Variants in NUFIP1 observed in about 807,000 individuals in gnomAD.
The protein encoded by NUFIP1 is FMR1-interacting protein NUFIP1.
A neutral mutation model predicts 56.2 loss-of-function variants in NUFIP1; 38 were observed. The ratio of observed to expected loss-of-function variants is 0.68; its 90% CI spans 0.52 to 0.89. NUFIP1 has a LOEUF of 0.89. NUFIP1 is among the 40% of genes least tolerant of loss of function. The probability of loss-of-function intolerance (pLI) is 0.00; values close to 1 mark genes in which losing one functional copy is unlikely to be tolerated. For synonymous variants in NUFIP1, 215 were observed against 212.4 expected (o/e 1.01, Z -0.10); for missense variants, 567 against 605.8 (o/e 0.94, Z 0.67).
At chr13:44,963,972 T>C (rs1032247371) in intron 6 of NUFIP1, among the ~76,000 whole-genome samples, 3 of 152,198 alleles carry the variant, frequency 2.0e-5, no homozygotes, top group African/African-American at 4.8e-5. Context: ...ACATTAATAT[T>C]GTTATACCAG....
chr13:44,976,967 GACCCATC>G (rs1394791567), intron 5 of NUFIP1, among the ~76,000 whole-genome samples: 1 of 152,102 alleles, frequency 6.6e-6, no homozygotes, highest in Non-Finnish European at 1.5e-5. Context: ...CTGCCTTCAT[GACCCATC>G]ACCTCCCAAA....
chr13:44,970,035 T>C (rs562594666), intron 5 of NUFIP1, among the ~76,000 whole-genome samples: 6 of 152,286 alleles, frequency 3.9e-5, no homozygotes, highest in Admixed American at 3.3e-4. Flanking sequence ...ACAGTAAGCG[T>C]TGAAATAAAT....
intron 8 of NUFIP1, among the ~76,000 whole-genome samples, chr13:44,947,234 CTTTTTTTTTTTTT>C (rs899115570): frequency 3.2e-5 from 4 of 124,314 alleles, no homozygotes; most frequent in African/African-American, 9.1e-5. Flanking sequence ...AAGCTTATTC[CTTTTTTTTTTTTT>C]TTTTTTTTTG....
chr13:44,979,503 T>G (rs1031353211), intron 4 of NUFIP1, among the ~76,000 whole-genome samples: 1 of 152,206 alleles, frequency 6.6e-6, no homozygotes, highest in Non-Finnish European at 1.5e-5. Context: ...AAAGTAGATA[T>G]GCCACCCATT....
At chr13:44,956,132 A>G (rs992561417) in intron 7 of NUFIP1, among the ~76,000 whole-genome samples, 3 of 131,972 alleles carry the variant, frequency 2.3e-5, no homozygotes, top group Non-Finnish European at 3.1e-5. Context: ...CGACAGCGAG[A>G]CTCCGTCTCA....
chr13:44,960,397 T>C (rs1871384051), intron 6 of NUFIP1, among the ~76,000 whole-genome samples: 2 of 151,302 alleles, frequency 1.3e-5, no homozygotes, highest in African/African-American at 4.9e-5. Flanking sequence ...GCCTCCCGAG[T>C]AGCTGGGACT....
intron 1 of NUFIP1, among the ~76,000 whole-genome samples, chr13:44,984,857 C>T (rs1461805659): frequency 1.3e-5 from 2 of 152,060 alleles, no homozygotes; most frequent in East Asian, 3.9e-4. Flanking sequence ...TATACCTCCC[C>T]GTTCCCCCCA....
At chr13:44,947,225 A>G (rs565329784) in intron 8 of NUFIP1, among the ~76,000 whole-genome samples, 246 of 149,420 alleles carry the variant, frequency 1.6e-3, no homozygotes, top group African/African-American at 5.5e-3. Context: ...CAGCTTGCCA[A>G]GCTTATTCCT....
chr13:44,974,456 G>A (rs187654149), intron 5 of NUFIP1, among the ~76,000 whole-genome samples: 11 of 152,362 alleles, frequency 7.2e-5, no homozygotes, highest in African/African-American at 1.9e-4. Flanking sequence ...TGAGCTGGAC[G>A]GATGGAAAGA....
At chr13:44,984,994 A>G (rs959316421) in intron 1 of NUFIP1, among the ~76,000 whole-genome samples, 2 of 152,222 alleles carry the variant, frequency 1.3e-5, no homozygotes, top group African/African-American at 4.8e-5. Context: ...TTTACTGAGA[A>G]TGATGACTTC....
chr13:44,980,333 C>A (rs1872143334), intron 3 of NUFIP1, among the ~76,000 whole-genome samples: 1 of 152,204 alleles, frequency 6.6e-6, no homozygotes, highest in African/African-American at 2.4e-5. Context: ...TAGTACCTGA[C>A]AAGGTGTGGA....
At chr13:44,942,745 G>A (rs1336754221) in intron 9 of NUFIP1, among the ~76,000 whole-genome samples, 3 of 151,916 alleles carry the variant, frequency 2.0e-5, no homozygotes, top group African/African-American at 7.3e-5. Flanking sequence ...TTAGATTTTT[G>A]AGCACATAAT....
chr13:44,969,965 C>G (rs542880776), intron 5 of NUFIP1, among the ~76,000 whole-genome samples: 3 of 152,154 alleles, frequency 2.0e-5, no homozygotes, highest in Non-Finnish European at 2.9e-5. Context: ...TTCTTTAGAG[C>G]AGATCTCCTG....
At chr13:44,942,561 G>A (rs1479538954) in intron 9 of NUFIP1, among the ~76,000 whole-genome samples, 1 of 152,142 alleles carries the variant, frequency 6.6e-6, no homozygotes, top group African/African-American at 2.4e-5. Flanking sequence ...TACTTAACTT[G>A]TAAGTCAAAA....
chr13:44,966,664 C>T (rs1871613398), intron 5 of NUFIP1, among the ~76,000 whole-genome samples: 1 of 152,010 alleles, frequency 6.6e-6, no homozygotes, highest in Non-Finnish European at 1.5e-5. Flanking sequence ...ATCGAAGTTA[C>T]CAAGACGAGG....
At chr13:44,942,813 G>GA (rs1242063071) in intron 9 of NUFIP1, among the ~76,000 whole-genome samples, 4 of 151,562 alleles carry the variant, frequency 2.6e-5, no homozygotes, top group African/African-American at 4.8e-5. Flanking sequence ...GGTGTACAAA[G>GA]AAAAAAAATT....
intron 5 of NUFIP1, among the ~76,000 whole-genome samples, chr13:44,974,001 T>C (rs1331060825): frequency 6.6e-6 from 1 of 152,254 alleles, no homozygotes; most frequent in Non-Finnish European, 1.5e-5. Flanking sequence ...AGTTTTATTC[T>C]CATAGGCATT....
chr13:44,980,867 T>C, intron 2 of NUFIP1, 47 bp from the exon 3 acceptor site: 1 of 1,203,480 alleles, frequency 8.3e-7, no homozygotes. Flanking sequence ...GAAAAATCTG[T>C]AATCAATAAT....
intron 6 of NUFIP1, among the ~76,000 whole-genome samples, chr13:44,964,769 C>T (rs117349163): frequency 0.018 from 2,706 of 152,166 alleles, 30 homozygotes; most frequent in Non-Finnish European, 0.028. Context: ...ATCTTCACTC[C>T]GAGTCATAAC....
Sources: allele counts gnomAD v4.1 joint callset (sites outside exome capture counted in the v4.1 genomes callset), GRCh38; gene constraint gnomAD v4.1.1; transcripts MANE v1.5; gene names NCBI Gene and HGNC (gene_info 2026-07-23, HGNC 2026-07-21).